Variants in TTC28 observed in about 807,000 individuals in gnomAD.
The protein encoded by TTC28 is tetratricopeptide repeat domain 28, also known as tetratricopeptide repeat protein 28.
TTC28 carries 61 observed loss-of-function variants against 198.0 expected under a neutral mutation model. The ratio of observed to expected loss-of-function variants is 0.31; its 90% CI spans 0.25 to 0.38. TTC28 has a LOEUF of 0.38. Among genes scored for constraint, TTC28 ranks in the 10% least tolerant of loss-of-function variants. TTC28 has a pLI of 1.00. For missense variants in TTC28, 2,678 were observed against 3,164.0 expected (o/e 0.85, Z 3.69); for synonymous variants, 1,171 against 1,297.8 (o/e 0.90, Z 2.10).
chr22:28,290,875 G>A (rs1229062726), intron 5 of TTC28, among the ~76,000 whole-genome samples: 2 of 151,968 alleles, frequency 1.3e-5, no homozygotes, highest in Non-Finnish European at 2.9e-5. Context: ...TTGTACCACT[G>A]CACTCCAGCC....
chr22:28,258,075 A>G (rs1249242170), intron 5 of TTC28, among the ~76,000 whole-genome samples: 1 of 152,070 alleles, frequency 6.6e-6, no homozygotes, highest in Non-Finnish European at 1.5e-5. Context: ...GAAACCAACT[A>G]TAATTTTATA....
At chr22:28,507,365 AAAG>A (rs1170264019) in intron 2 of TTC28, among the ~76,000 whole-genome samples, 3 of 152,232 alleles carry the variant, frequency 2.0e-5, no homozygotes, top group Middle Eastern at 3.2e-3. Context: ...AACAGAGAAA[AAAG>A]AATAAAAAGG....
intron 5 of TTC28, among the ~76,000 whole-genome samples, chr22:28,165,991 A>C (rs1051709910): frequency 3.9e-5 from 6 of 152,188 alleles, no homozygotes; most frequent in Admixed American, 2.6e-4. Flanking sequence ...AAGATCTACC[A>C]AGCAAATGGA....
intron 2 of TTC28, among the ~76,000 whole-genome samples, chr22:28,480,574 T>A (rs576884612): frequency 6.6e-6 from 1 of 152,314 alleles, no homozygotes; most frequent in South Asian, 2.1e-4. Context: ...GAAATCAATG[T>A]TTTATTTACA....
chr22:28,411,465 C>T (rs986169349), intron 2 of TTC28, among the ~76,000 whole-genome samples: 26 of 152,152 alleles, frequency 1.7e-4, no homozygotes, highest in African/African-American at 6.0e-4. Context: ...CGTTCTTATC[C>T]TTCCTGAGAA....
At chr22:28,469,050 G>C (rs1343142029) in intron 2 of TTC28, among the ~76,000 whole-genome samples, 1 of 152,104 alleles carries the variant, frequency 6.6e-6, no homozygotes, top group Non-Finnish European at 1.5e-5. Flanking sequence ...TTCTTCTCTA[G>C]GAACTGCACC....
intron 5 of TTC28, among the ~76,000 whole-genome samples, chr22:28,218,934 C>T (rs539355370): frequency 2.6e-5 from 4 of 151,062 alleles, no homozygotes; most frequent in South Asian, 2.1e-4. Flanking sequence ...ACTTTTATAC[C>T]GTCAGTGCAA....
Position 28,199,530 on chromosome 22 carries a change from CAT to C in TTC28, c.934-35933_934-35932del, listed in dbSNP as rs10689151. On this transcript the variant is annotated intron_variant, in intron 5 of 22. Coordinates refer to ENST00000397906, the MANE Select transcript of TTC28 (RefSeq NM_001145418.2). The stretch of plus-strand genomic sequence containing the variant: ...CTCTTCAAAAAAAGAAATACCTATA[CAT>C]ATATATATATATATATACACACAAA... Among the ~76,000 whole-genome samples, 59 of 138,946 alleles carry C rather than the reference CAT, an allele frequency of 4.2e-4. 2 individuals are homozygous for C. The highest frequency in any genetic ancestry group is 1.6e-3 in the East Asian group (8 of 4,914). The allele number at this position is 138,946 out of a possible 152,430, so 91.2% of individuals were successfully genotyped here.
chr22:28,446,055 A>G (rs983803019), intron 2 of TTC28, among the ~76,000 whole-genome samples: 2 of 152,192 alleles, frequency 1.3e-5, no homozygotes, highest in Non-Finnish European at 2.9e-5. Flanking sequence ...CAAGATAATG[A>G]AGAGAATAGT....
chr22:28,458,989 C>G (rs750431139), intron 2 of TTC28, among the ~76,000 whole-genome samples: 3 of 151,852 alleles, frequency 2.0e-5, no homozygotes, highest in African/African-American at 7.3e-5. Flanking sequence ...TTGAACATAA[C>G]ATCCAGAGCC....
chr22:28,144,306 CCA>C (rs1350207693), intron 6 of TTC28, among the ~76,000 whole-genome samples: 6 of 152,228 alleles, frequency 3.9e-5, no homozygotes, highest in South Asian at 4.1e-4. Flanking sequence ...CTCCTGGCTG[CCA>C]CAGACTCCTT....
intron 5 of TTC28, among the ~76,000 whole-genome samples, chr22:28,292,526 C>T (rs1173802397): frequency 6.6e-6 from 1 of 152,132 alleles, no homozygotes; most frequent in Admixed American, 6.6e-5. Context: ...GTACCCAACA[C>T]TATACCAACT....
At chr22:28,322,962 G>T (rs2045470464) in intron 2 of TTC28, among the ~76,000 whole-genome samples, 6 of 152,172 alleles carry the variant, frequency 3.9e-5, no homozygotes, top group Middle Eastern at 3.4e-3. Flanking sequence ...ATTTTCTACT[G>T]CCCTCTCTTA....
At chr22:28,265,078 G>C (rs144644555) in intron 5 of TTC28, among the ~76,000 whole-genome samples, 3 of 152,102 alleles carry the variant, frequency 2.0e-5, no homozygotes, top group Non-Finnish European at 4.4e-5. Context: ...ATCCACAACA[G>C]ATACTTCACA....
At chr22:28,355,994 T>G (rs2046072351) in intron 2 of TTC28, among the ~76,000 whole-genome samples, 1 of 152,234 alleles carries the variant, frequency 6.6e-6, no homozygotes, top group Non-Finnish European at 1.5e-5. Context: ...GCACCTTCTG[T>G]TGCTTTGGAA....
chr22:28,151,761 T>C (rs554516591), intron 6 of TTC28, among the ~76,000 whole-genome samples: 95 of 152,340 alleles, frequency 6.2e-4, no homozygotes, highest in Non-Finnish European at 1.1e-3. Context: ...TAGGACATTC[T>C]TGTTCCTTTC....
intron 2 of TTC28, among the ~76,000 whole-genome samples, chr22:28,354,578 A>G (rs1406866935): frequency 1.3e-5 from 2 of 152,186 alleles, no homozygotes; most frequent in African/African-American, 4.8e-5. Context: ...TGGGGTGATA[A>G]AACAGTTCCA....
chr22:28,138,153 C>A (rs765198754), intron 6 of TTC28, among the ~76,000 whole-genome samples: 8 of 152,158 alleles, frequency 5.3e-5, no homozygotes, highest in Non-Finnish European at 1.0e-4. Flanking sequence ...GCTCCTTAAA[C>A]ACTTTCTAAC....
At chr22:28,291,364 G>A (rs16986259) in intron 5 of TTC28, among the ~76,000 whole-genome samples, 2,367 of 152,070 alleles carry the variant, frequency 0.016, 83 homozygotes, top group African/African-American at 0.055. Context: ...AAAATAACCA[G>A]TACCACTATA....
Sources: allele counts gnomAD v4.1 joint callset (sites outside exome capture counted in the v4.1 genomes callset), GRCh38; gene constraint gnomAD v4.1.1; transcripts MANE v1.5; gene names NCBI Gene and HGNC (gene_info 2026-07-23, HGNC 2026-07-21).